Variants in FHIT observed in about 807,000 individuals in gnomAD.
The protein encoded by FHIT is bis(5'-adenosyl)-triphosphatase.
FHIT carries 19 observed loss-of-function variants against 17.9 expected under a neutral mutation model. That is an observed-to-expected ratio of 1.06 (90% CI 0.74 to 1.56). The LOEUF (loss-of-function observed/expected upper bound fraction) is 1.56, where lower values mean the gene tolerates loss of function less well. FHIT is among the 40% of genes most tolerant of loss of function. The pLI is 0.00. For synonymous variants in FHIT, 81 were observed against 69.7 expected, an observed-to-expected ratio of 1.16 and a Z score of -0.81; for missense variants, 248 against 189.2, an observed-to-expected ratio of 1.31 and a Z score of -1.82.
chr3:60,919,484 C>T (rs1199987525), intron 3 of FHIT, among the ~76,000 whole-genome samples: 3 of 150,736 alleles, frequency 2.0e-5, no homozygotes, highest in Non-Finnish European at 4.4e-5. Context: ...ATAGGGTAAT[C>T]TGCAGAAATG....
At chr3:60,079,019 C>G (rs1338449649) in intron 5 of FHIT, among the ~76,000 whole-genome samples, 1 of 152,014 alleles carries the variant, frequency 6.6e-6, no homozygotes, top group East Asian at 1.9e-4. Flanking sequence ...AGTGACTTGT[C>G]TTCATTGAGG....
At chr3:60,484,355 T>C (rs912576118) in intron 5 of FHIT, among the ~76,000 whole-genome samples, 1 of 152,192 alleles carries the variant, frequency 6.6e-6, no homozygotes, top group Non-Finnish European at 1.5e-5. Flanking sequence ...GACCTCTGTA[T>C]AGCCAAGACA....
chr3:60,182,188 C>T (rs542528272), intron 5 of FHIT, among the ~76,000 whole-genome samples: 1 of 152,136 alleles, frequency 6.6e-6, no homozygotes, highest in East Asian at 1.9e-4. Flanking sequence ...CTTTCCTCCC[C>T]ACCTGGTAGT....
At chr3:60,816,811 C>T (rs1553737859) in intron 4 of FHIT, among the ~76,000 whole-genome samples, 2 of 151,946 alleles carry the variant, frequency 1.3e-5, no homozygotes, top group Admixed American at 6.6e-5. Context: ...TGTACCAGCT[C>T]TTCTTTGTAC....
intron 5 of FHIT, among the ~76,000 whole-genome samples, chr3:60,167,304 C>G (rs568958871): frequency 9.7e-4 from 148 of 152,276 alleles, no homozygotes; most frequent in African/African-American, 3.4e-3. Context: ...TATTTGTTGA[C>G]TAAAATAATA....
At chr3:60,609,701 C>G (rs781986038) in intron 4 of FHIT, among the ~76,000 whole-genome samples, 2 of 152,118 alleles carry the variant, frequency 1.3e-5, no homozygotes, top group Non-Finnish European at 2.9e-5. Flanking sequence ...CACCCTAACT[C>G]TCAAATAGCC....
intron 5 of FHIT, among the ~76,000 whole-genome samples, chr3:60,382,356 G>A (rs372530617): frequency 1.4e-4 from 21 of 152,132 alleles, no homozygotes; most frequent in East Asian, 9.6e-4. Context: ...TAAATTACAC[G>A]TGTCTTTCCA....
At chr3:59,967,669 CA>C (rs1158914277) in intron 7 of FHIT, among the ~76,000 whole-genome samples, 10 of 152,230 alleles carry the variant, frequency 6.6e-5, no homozygotes, top group Admixed American at 5.9e-4. Context: ...CACGAAGAGC[CA>C]GCATGGCTCC....
At chr3:60,096,376 G>A (rs1031715704) in intron 5 of FHIT, among the ~76,000 whole-genome samples, 1 of 152,052 alleles carries the variant, frequency 6.6e-6, no homozygotes, top group African/African-American at 2.4e-5. Context: ...CAGGCAGTAG[G>A]TAGTACTCGA....
chr3:59,816,123 CAG>C (rs1287189809), intron 8 of FHIT, among the ~76,000 whole-genome samples: 24 of 152,304 alleles, frequency 1.6e-4, no homozygotes, highest in Middle Eastern at 6.8e-3. Context: ...CTGTGTCTCA[CAG>C]AGAGTGACAG....
At chr3:61,047,757 G>A (rs1473534453) in intron 2 of FHIT, among the ~76,000 whole-genome samples, 1 of 152,014 alleles carries the variant, frequency 6.6e-6, no homozygotes, top group Non-Finnish European at 1.5e-5. Flanking sequence ...CAAACAGCAT[G>A]ATACTGGTAC....
chr3:59,981,658 G>GA (rs1454584234), intron 7 of FHIT, among the ~76,000 whole-genome samples: 1 of 152,112 alleles, frequency 6.6e-6, no homozygotes, highest in Non-Finnish European at 1.5e-5. Flanking sequence ...CATTAACGCA[G>GA]AGAGATGCCC....
intron 3 of FHIT, among the ~76,000 whole-genome samples, chr3:60,860,339 G>GATACATCATATGTATACATGAC (rs1314004288): frequency 0.15 from 3,719 of 25,264 alleles, 380 homozygotes; most frequent in Non-Finnish European, 0.2. Flanking sequence ...GTATACATGA[G>GATACATCATATGTATACATGAC]ATACATCATA....
intron 5 of FHIT, among the ~76,000 whole-genome samples, chr3:60,015,211 C>A (rs954925762): frequency 6.6e-6 from 1 of 152,088 alleles, no homozygotes; most frequent in Non-Finnish European, 1.5e-5. Flanking sequence ...AATATCAACC[C>A]CATTCCGCTA....
chr3:60,043,250 C>T (rs1166387310), intron 5 of FHIT, among the ~76,000 whole-genome samples: 1 of 152,198 alleles, frequency 6.6e-6, no homozygotes, highest in Non-Finnish European at 1.5e-5. Context: ...TCTGCTTTTG[C>T]CAATTCTTTG....
At chr3:61,112,547 G>A (rs916175706) in intron 2 of FHIT, among the ~76,000 whole-genome samples, 1 of 152,064 alleles carries the variant, frequency 6.6e-6, no homozygotes, top group African/African-American at 2.4e-5. Flanking sequence ...TTCCTTTTCA[G>A]GGCAAACATG....
At chr3:59,964,032 A>T (rs1200258811) in intron 7 of FHIT, among the ~76,000 whole-genome samples, 1 of 152,240 alleles carries the variant, frequency 6.6e-6, no homozygotes, top group African/African-American at 2.4e-5. Flanking sequence ...TGGTCAACCA[A>T]CTAAAATTTT....
At chr3:60,567,909 T>C (rs1419570810) in intron 4 of FHIT, among the ~76,000 whole-genome samples, 4 of 152,188 alleles carry the variant, frequency 2.6e-5, no homozygotes, top group Admixed American at 1.3e-4. Context: ...CGCAATGAGA[T>C]ACCATCTCTC....
chr3:59,850,188 A>T (rs1466953014), intron 8 of FHIT, among the ~76,000 whole-genome samples: 4 of 152,236 alleles, frequency 2.6e-5, no homozygotes, highest in Non-Finnish European at 2.9e-5. Context: ...AATTGCAAAA[A>T]GTAAAGATGC....
Sources: allele counts gnomAD v4.1 joint callset (sites outside exome capture counted in the v4.1 genomes callset), GRCh38; gene constraint gnomAD v4.1.1; transcripts MANE v1.5; gene names NCBI Gene and HGNC (gene_info 2026-07-23, HGNC 2026-07-21).